Variants in TP73 observed in about 807,000 individuals in gnomAD.
The protein encoded by TP73 is tumor protein p73.
In TP73, 25 loss-of-function variants were observed where a neutral mutation model predicts 62.5. The ratio of observed to expected loss-of-function variants is 0.40; its 90% confidence interval spans 0.29 to 0.56. The LOEUF is 0.56. Ranked by LOEUF, TP73 falls within the 20% of genes least tolerant of loss-of-function variation. The probability of loss-of-function intolerance (pLI) is 0.46; values close to 1 mark genes in which losing one functional copy is unlikely to be tolerated. For synonymous variants in TP73, 423 were observed against 377.5 expected (o/e 1.12, Z -1.40); for missense variants, 754 against 913.3 (o/e 0.83, Z 2.25).
At chr1:3,731,729 G>A (rs1267745897) in intron 13 of TP73, among the ~76,000 whole-genome samples, 173 bp downstream of exon 13, 1 of 152,204 alleles carries the variant, frequency 6.6e-6, no homozygotes, top group African/African-American at 2.4e-5. Context: ...ATGCAGCCAG[G>A]CACGTGGCTG....
At chr1:3,708,096 G>C in intron 4 of TP73, 2 of 478,412 alleles carry the variant, frequency 4.2e-6, no homozygotes, top group South Asian at 5.0e-5. Flanking sequence ...CCCATGCTCA[G>C]GTGGGATCTT....
At chr1:3,720,216 C>T (rs1282344872) in intron 4 of TP73, among the ~76,000 whole-genome samples, 2 of 152,214 alleles carry the variant, frequency 1.3e-5, no homozygotes, top group Admixed American at 1.3e-4. Context: ...GCCCTCAGCC[C>T]GTTTCCTGCT....
At chr1:3,674,515 C>T (rs927532522) in intron 1 of TP73, among the ~76,000 whole-genome samples, 14 of 152,364 alleles carry the variant, frequency 9.2e-5, no homozygotes, top group African/African-American at 3.1e-4. Context: ...AGGCCTTCGT[C>T]CCTGCCCCTG....
chr1:3,731,461 A>G lies in TP73; in HGVS notation c.1485-2A>G. 1.2e-6 allele frequency: 2 copies of G among 1,613,392 alleles called. No individual in the cohort carries two copies. Among genetic ancestry groups the G allele is most frequent in the Non-Finnish European group, 1.7e-6 (2 of 1,179,832 alleles). ...GCTTCCTTTCTCAAATTCTCTCTGC[A>G]GTTTTTTAACAGGATTGGGGTGTCC... On this transcript the variant is annotated splice_acceptor_variant, in intron 12 of 13. Coordinates refer to ENST00000378295, the MANE Select transcript of TP73 (RefSeq NM_005427.4). LOFTEE classifies it high-confidence loss of function.
intron 1 of TP73, among the ~76,000 whole-genome samples, chr1:3,677,045 A>C (rs2102066843): frequency 6.6e-6 from 1 of 152,052 alleles, no homozygotes; most frequent in African/African-American, 2.4e-5. Context: ...CCTGAGTCAA[A>C]CCGAGAAGTC....
intron 1 of TP73, among the ~76,000 whole-genome samples, chr1:3,678,395 C>G (rs1293643390): frequency 3.9e-5 from 6 of 152,138 alleles, no homozygotes; most frequent in Non-Finnish European, 8.8e-5. Context: ...GTTCCTCATG[C>G]CCAGTACTCC....
rs775586833 is a variant in TP73 at position 3,732,941 on chromosome 1, C to G, written c.1773C>G (p.Arg591=). Residue 591 remains arginine, a synonymous_variant, in exon 14 of 14, where the codon CGC becomes CGG. Coordinates refer to ENST00000378295, the MANE Select transcript of TP73 (RefSeq NM_005427.4). ...RVMEAVHFRV[R]HTITIPNRGG... ...TGGAGGCCGTGCACTTCCGCGTGCG[C>G]CACACCATCACCATCCCCAACCGCG... The G allele has an allele frequency of 1.2e-6, 2 of 1,609,606 alleles. No individual in the cohort carries two copies. The highest frequency in any genetic ancestry group is 1.7e-6 in the Non-Finnish European group (2 of 1,179,358).
rs753917723 is a variant in TP73 at position 3,723,405 on chromosome 1, C to T, written c.668C>T (p.Ser223Leu). 2 of 1,612,622 alleles carry T rather than the reference C, an allele frequency of 1.2e-6. No individual in the cohort carries two copies. Among genetic ancestry groups the T allele is most frequent in the South Asian group, 1.1e-5 (1 of 91,078 alleles). ...ATCCGCGTGGAAGGCAATAATCTCTCGCAGTATGTGGATGACCCTGTCACC... is the reference window on the plus strand; with the variant it reads ...ATCCGCGTGGAAGGCAATAATCTCTTGCAGTATGTGGATGACCCTGTCACC... ...HLIRVEGNNLSQYVDDPVTGR... is the reference protein window; with the variant it reads ...HLIRVEGNNLLQYVDDPVTGR... The change falls in exon 6 of 14, where the codon TCG becomes TTG. Residue 223 changes from serine to leucine, a missense_variant. Ser to Leu is a moderately radical substitution (Grantham distance 145). This residue lies in a region of TP73 where 61 missense variants were observed against 133.2 expected (regional missense o/e 0.46). Coordinates refer to ENST00000378295, the MANE Select transcript of TP73 (RefSeq NM_005427.4).
In TP73 at chr1:3,682,389, C is replaced by T. The variant is rs764078571; in HGVS notation, c.24C>T (p.Ser8=). 1 of 1,563,862 alleles carries T rather than the reference C, an allele frequency of 6.4e-7. No homozygotes were observed. Among genetic ancestry groups the T allele is most frequent in the Admixed American group, 1.8e-5 (1 of 54,826 alleles). The stretch of plus-strand genomic sequence containing the variant: ...AGATGGCCCAGTCCACCGCCACCTC[C>T]CCTGATGGGGGCACCACGTTTGAGC... MAQSTAT[S]PDGGTTFEHL... The change falls in exon 2 of 14, where the codon TCC becomes TCT. Residue 8 remains serine, a synonymous_variant. Coordinates refer to ENST00000378295, the MANE Select transcript of TP73 (RefSeq NM_005427.4).
At chr1:3,681,188 C>A (rs1570426607) in intron 1 of TP73, among the ~76,000 whole-genome samples, 1 of 152,222 alleles carries the variant, frequency 6.6e-6, no homozygotes, top group South Asian at 2.1e-4. Flanking sequence ...ACAAAAACGA[C>A]AGGTTCCAGG....
At chr1:3,682,563 C>T (rs1248319848) in intron 2 of TP73, 133 bp downstream of exon 2, 18 of 873,780 alleles carry the variant, frequency 2.1e-5, no homozygotes, top group Non-Finnish European at 2.9e-5. Context: ...CTAGCCCCAG[C>T]CACCCTCACT....
chr1:3,688,859 T>C (rs1283169211), intron 3 of TP73, among the ~76,000 whole-genome samples: 1 of 152,180 alleles, frequency 6.6e-6, no homozygotes, highest in African/African-American at 2.4e-5. Context: ...GCAGCCTGGC[T>C]GTCTTCCTTC....
chr1:3,663,745 G>A lies in TP73; in HGVS notation c.-34+11104G>A, dbSNP rs1239536114. 1.3e-5 allele frequency among the ~76,000 whole-genome samples: 2 copies of A among 152,000 alleles called. No homozygotes were observed. Among genetic ancestry groups the A allele is most frequent in the African/African-American group, 2.4e-5 (1 of 41,426 alleles). On this transcript the variant is annotated intron_variant, in intron 1 of 13. Coordinates refer to ENST00000378295, the MANE Select transcript of TP73 (RefSeq NM_005427.4). This position sits in a 1 kb window ranked among gnomAD's most constrained non-coding sequence, Gnocchi z 4.7. ...AAAGGATACAGACATCCTGAACCGG[G>A]GGCTGGGGCCAGGTCTGAAGGCTCT...
chr1:3,657,040 T>A (rs1159656802), intron 1 of TP73, among the ~76,000 whole-genome samples: 3 of 152,248 alleles, frequency 2.0e-5, no homozygotes, highest in African/African-American at 7.2e-5. Flanking sequence ...TACGACTTAA[T>A]GTATGAACAA....
intron 10 of TP73, chr1:3,729,722 C>A: frequency 1.3e-6 from 1 of 771,012 alleles, no homozygotes; most frequent in Non-Finnish European, 2.2e-6. Flanking sequence ...GGAGGGGTGG[C>A]CAGAGTGACC....
chr1:3,730,794 G>C, intron 11 of TP73, 133 bp from the exon 12 acceptor site: 1 of 1,211,306 alleles, frequency 8.3e-7, no homozygotes, highest in Non-Finnish European at 1.1e-6. Flanking sequence ...AGCTGGCAGG[G>C]GTGATGCCCA....
At chr1:3,726,264 G>T (rs1641574536) in intron 6 of TP73, among the ~76,000 whole-genome samples, 1 of 114,356 alleles carries the variant, frequency 8.7e-6, no homozygotes, top group Non-Finnish European at 1.9e-5. Context: ...GGTGGGTGTG[G>T]GGGGTGGATG....
rs76150705 is a variant in TP73 at position 3,666,072 on chromosome 1, T to A, written c.-34+13431T>A. On this transcript the variant is annotated intron_variant, in intron 1 of 13. Transcript: ENST00000378295. The surrounding 1 kb of genome is among the most constrained non-coding windows in gnomAD (Gnocchi z 6.4). ...CCAGGAGGCGGAGTTTGTGGTGAGC[T>A]GAGATCGCACCATTGTACTCCAGCC... is the stretch of plus-strand genomic sequence containing the variant. 0.012 allele frequency among the ~76,000 whole-genome samples: 1,609 copies of A among 136,230 alleles called. 34 individuals are homozygous for A. Among genetic ancestry groups the A allele is most frequent in the African/African-American group, 0.042 (1,506 of 35,800 alleles). The allele number at this position is 136,230 out of a possible 152,430, so 89.4% of individuals were successfully genotyped here. A position where few individuals can be genotyped will look rare whatever the true frequency, so the allele number is the denominator to read the frequency against.
Position 3,727,241 on chromosome 1 carries a change from C to A in TP73, c.842+17C>A, listed in dbSNP as rs757386360. 8.7e-6 allele frequency: 14 copies of A among 1,607,486 alleles called. No homozygotes were observed. In the East Asian group the frequency reaches 1.6e-4, roughly 18 times the overall value. On this transcript the variant is annotated intron_variant, in intron 7 of 13. Transcript: ENST00000378295. Reference sequence around the variant, plus strand: ...GATGCGGGAGTGAGTCCCGGGCACACGGGGTGGAGGTGGGACAGGGCTGGG... The same window carrying A: ...GATGCGGGAGTGAGTCCCGGGCACAAGGGGTGGAGGTGGGACAGGGCTGGG...
Sources: allele counts gnomAD v4.1 joint callset (sites outside exome capture counted in the v4.1 genomes callset), GRCh38; gene constraint gnomAD v4.1.1; regional missense constraint gnomAD v4.1.1; non-coding constraint Gnocchi (gnomAD v3.1); transcripts MANE v1.5; gene names NCBI Gene and HGNC (gene_info 2026-07-23, HGNC 2026-07-21).